THADA: variants seen among roughly 807,000 people sequenced by gnomAD.
THADA encodes the protein THADA armadillo repeat containing, also known as tRNA (32-2'-O)-methyltransferase regulator THADA.
THADA carries 213 observed loss-of-function variants against 219.8 expected under a neutral mutation model. The ratio of observed to expected loss-of-function variants is 0.97; its 90% CI spans 0.87 to 1.09. The LOEUF is 1.09. Ranked by LOEUF, THADA falls within the 50% of genes least tolerant of loss-of-function variation. The probability of loss-of-function intolerance (pLI) is 0.00; values close to 1 mark genes in which losing one functional copy is unlikely to be tolerated. For missense variants in THADA, 2,956 were observed against 2,311.3 expected (o/e 1.28, Z -5.72); for synonymous variants, 1,018 against 828.9 (o/e 1.23, Z -3.92).
At chr2:43,403,033 C>T (rs372189311) in intron 28 of THADA, among the ~76,000 whole-genome samples, 7 of 152,306 alleles carry the variant, frequency 4.6e-5, no homozygotes, top group African/African-American at 1.7e-4. Flanking sequence ...TTTTGATACA[C>T]TATTTTAATT....
At chr2:43,531,422 C>A (rs1160356762) in intron 21 of THADA, among the ~76,000 whole-genome samples, 1 of 152,142 alleles carries the variant, frequency 6.6e-6, no homozygotes, top group Admixed American at 6.5e-5. Flanking sequence ...GGTAAGTAAA[C>A]CTGGCTGAGT....
At position 43,290,087 on chromosome 2, in the gene THADA, C is replaced by G. The variant is rs928998667; in HGVS notation, c.5010+1609G>C. ...GCCTCCTGGGTTCAAGCAATTCTGC[C>G]TCAGCCTCCCGAGTAGCTGGGATTA... On this transcript the variant is annotated intron_variant, in intron 34 of 37. Transcript: ENST00000405975. Among the ~76,000 whole-genome samples the G allele has an allele frequency of 2.7e-5, 4 of 150,460 alleles. No individual in the cohort carries two copies. The Admixed American group carries it at 2.7e-4, about 10-fold the overall frequency.
intron 31 of THADA, among the ~76,000 whole-genome samples, chr2:43,318,260 C>G (rs1001178486): frequency 6.6e-6 from 1 of 151,872 alleles, no homozygotes; most frequent in Admixed American, 6.6e-5. Flanking sequence ...AGGCTGGTCT[C>G]AAACTTCTGG....
chr2:43,262,759 T>A (rs1671100643), intron 36 of THADA, among the ~76,000 whole-genome samples: 1 of 152,358 alleles, frequency 6.6e-6, no homozygotes. Context: ...ACCTTGCTAC[T>A]CCAAGTATGA....
In THADA at chr2:43,574,487, C is replaced by A; in HGVS notation, c.1578G>T (p.Trp526Cys). The A allele has an allele frequency of 1.2e-6, 2 of 1,613,764 alleles. No individual in the cohort carries two copies. Among genetic ancestry groups the A allele is most frequent in the Non-Finnish European group, 1.7e-6 (2 of 1,179,852 alleles). Residue 526 changes from tryptophan (W) to cysteine (C), a missense_variant, in exon 11 of 38, where the codon TGG becomes TGT. Coordinates refer to ENST00000405975, the MANE Select transcript of THADA (RefSeq NM_022065.5). ...ACAATATAAAAAGGAGAGGAGAAACCCAAGTCTCATGCCACTGGTCAATCC... is the reference window on the plus strand; with the variant it reads ...ACAATATAAAAAGGAGAGGAGAAACACAAGTCTCATGCCACTGGTCAATCC... ...SSWIDQWHET[W>C]VSPLLFILCE...
intron 34 of THADA, among the ~76,000 whole-genome samples, chr2:43,287,948 C>G (rs111599700): frequency 3.9e-5 from 6 of 152,138 alleles, no homozygotes; most frequent in African/African-American, 1.2e-4. Flanking sequence ...TAAACAAGGA[C>G]AAGATGGTGG....
At chr2:43,593,734 G>A (rs568782553) in intron 1 of THADA, among the ~76,000 whole-genome samples, 2 of 150,656 alleles carry the variant, frequency 1.3e-5, no homozygotes, top group Non-Finnish European at 2.9e-5. Flanking sequence ...CCTGGGTTCA[G>A]GCCATTCTCC....
chr2:43,566,532 T>G (rs2103973476), intron 15 of THADA, 166 bp downstream of exon 15: 1 of 802,496 alleles, frequency 1.2e-6, no homozygotes, highest in African/African-American at 1.7e-5. Context: ...CTTCCTCTTC[T>G]GTCCTTTACT....
At chr2:43,277,945 ATTG>A (rs1264887769) in intron 36 of THADA, among the ~76,000 whole-genome samples, 1 of 143,080 alleles carries the variant, frequency 7.0e-6, no homozygotes, top group Non-Finnish European at 1.5e-5. Flanking sequence ...ACAAGACAAT[ATTG>A]TTCTTTTTTT....
At chr2:43,337,007 T>C (rs563956866) in intron 30 of THADA, among the ~76,000 whole-genome samples, 5 of 152,330 alleles carry the variant, frequency 3.3e-5, no homozygotes, top group African/African-American at 1.2e-4. Context: ...AAAGAAGCTG[T>C]AGATCTTGAT....
intron 29 of THADA, among the ~76,000 whole-genome samples, chr2:43,363,207 T>G (rs1287289071): frequency 6.6e-6 from 1 of 152,164 alleles, no homozygotes. Context: ...CATTATCGAG[T>G]ATTATGTGTT....
At chr2:43,277,819 G>C (rs367624265) in intron 36 of THADA, among the ~76,000 whole-genome samples, 3 of 152,284 alleles carry the variant, frequency 2.0e-5, no homozygotes, top group East Asian at 1.9e-4. Flanking sequence ...AGATTCAATC[G>C]TAATTAACTT....
intron 7 of THADA, 31 bp from the exon 8 acceptor site, chr2:43,581,959 G>T: frequency 6.9e-7 from 1 of 1,443,718 alleles, no homozygotes; most frequent in Non-Finnish European, 9.1e-7. Context: ...TATTACAAAA[G>T]GAAATTCAAA....
chr2:43,434,205 T>A (rs975491094), intron 26 of THADA, among the ~76,000 whole-genome samples: 2 of 152,108 alleles, frequency 1.3e-5, no homozygotes, highest in South Asian at 2.1e-4. Context: ...TAAAACTTGA[T>A]TTGTGTAAGA....
At chr2:43,392,435 C>T (rs1386602218) in intron 29 of THADA, among the ~76,000 whole-genome samples, 1 of 152,118 alleles carries the variant, frequency 6.6e-6, no homozygotes, top group Admixed American at 6.5e-5. Context: ...TTCCACTGCT[C>T]CTGTCTGTAG....
chr2:43,412,790 C>G (rs555530792), intron 28 of THADA, among the ~76,000 whole-genome samples: 64 of 152,298 alleles, frequency 4.2e-4, no homozygotes, highest in African/African-American at 1.5e-3. Flanking sequence ...TTTCTTACCT[C>G]TGAGAAGGTC....
At chr2:43,338,226 G>A (rs1029393437) in intron 30 of THADA, among the ~76,000 whole-genome samples, 3 of 147,170 alleles carry the variant, frequency 2.0e-5, no homozygotes, top group African/African-American at 7.6e-5. Flanking sequence ...GCACGATCTC[G>A]GCTCACTGCA....
At chr2:43,448,490 T>C (rs1341582307) in intron 26 of THADA, among the ~76,000 whole-genome samples, 1 of 151,618 alleles carries the variant, frequency 6.6e-6, no homozygotes, top group Non-Finnish European at 1.5e-5. Context: ...CTTAGCACAG[T>C]TACAAACCCC....
chr2:43,594,441 G>C (rs747350700), intron 1 of THADA, among the ~76,000 whole-genome samples: 1 of 151,992 alleles, frequency 6.6e-6, no homozygotes, highest in African/African-American at 2.4e-5. Context: ...AAAATTAGCC[G>C]GGTGTGGTGG....
Sources: allele counts gnomAD v4.1 joint callset (sites outside exome capture counted in the v4.1 genomes callset), GRCh38; gene constraint gnomAD v4.1.1; transcripts MANE v1.5; gene names NCBI Gene and HGNC (gene_info 2026-07-23, HGNC 2026-07-21).